Variants in IMMP2L observed in about 807,000 individuals in gnomAD.
The protein encoded by IMMP2L is inner mitochondrial membrane peptidase subunit 2.
IMMP2L carries 18 observed loss-of-function variants against 19.3 expected under a neutral mutation model. That is an observed-to-expected ratio of 0.93 (90% CI 0.64 to 1.38). The LOEUF is 1.38. Ranked by LOEUF, IMMP2L falls within the 40% of genes most tolerant of loss-of-function variation. IMMP2L has a pLI of 0.00. For missense variants in IMMP2L, 233 were observed against 218.2 expected (o/e 1.07, Z -0.43); for synonymous variants, 76 against 73.0 (o/e 1.04, Z -0.21).
intron 3 of IMMP2L, among the ~76,000 whole-genome samples, chr7:111,326,633 G>A (rs568897999): frequency 2.6e-5 from 4 of 151,772 alleles, no homozygotes; most frequent in South Asian, 2.1e-4. Context: ...AATGAAAACC[G>A]CAAGGATATA....
chr7:111,022,079 C>T (rs767551776), intron 3 of IMMP2L, among the ~76,000 whole-genome samples: 4 of 152,140 alleles, frequency 2.6e-5, no homozygotes, highest in Non-Finnish European at 5.9e-5. Flanking sequence ...TCAACATTTC[C>T]TAAGTAGAAT....
chr7:111,427,187 A>G (rs1836167796), intron 3 of IMMP2L, among the ~76,000 whole-genome samples: 1 of 144,958 alleles, frequency 6.9e-6, no homozygotes, highest in Non-Finnish European at 1.6e-5. Flanking sequence ...ATATCAGTGG[A>G]CCTTCACCTC....
intron 3 of IMMP2L, among the ~76,000 whole-genome samples, chr7:111,151,997 G>C (rs902849620): frequency 1.1e-4 from 17 of 152,104 alleles, no homozygotes; most frequent in African/African-American, 3.6e-4. Flanking sequence ...CGAAGTTTTA[G>C]AAGTGATAAT....
At chr7:110,983,338 C>T (rs1821501851) in intron 3 of IMMP2L, among the ~76,000 whole-genome samples, 1 of 151,560 alleles carries the variant, frequency 6.6e-6, no homozygotes, top group South Asian at 2.1e-4. Flanking sequence ...AAAAGTAATA[C>T]TTCATATAGA....
intron 3 of IMMP2L, among the ~76,000 whole-genome samples, chr7:111,266,766 T>C (rs1217086097): frequency 6.6e-6 from 1 of 152,154 alleles, no homozygotes; most frequent in Non-Finnish European, 1.5e-5. Context: ...TTGCCACATT[T>C]TTGTCATGCC....
chr7:111,463,774 G>T (rs554055722), intron 3 of IMMP2L, among the ~76,000 whole-genome samples: 1 of 152,088 alleles, frequency 6.6e-6, no homozygotes, highest in East Asian at 1.9e-4. Flanking sequence ...CTATAATGAA[G>T]TCCATTCATT....
chr7:111,559,655 T>C (rs1320792453), intron 1 of IMMP2L, among the ~76,000 whole-genome samples: 1 of 152,120 alleles, frequency 6.6e-6, no homozygotes, highest in Non-Finnish European at 1.5e-5. Context: ...CTACATGGCT[T>C]TCCACAATCA....
chr7:111,304,879 C>T (rs1388012902), intron 3 of IMMP2L, among the ~76,000 whole-genome samples: 1 of 151,868 alleles, frequency 6.6e-6, no homozygotes, highest in East Asian at 1.9e-4. Flanking sequence ...GAAACAACAA[C>T]CAACACATTC....
chr7:111,301,462 A>G (rs1822232648), intron 3 of IMMP2L, among the ~76,000 whole-genome samples: 1 of 151,948 alleles, frequency 6.6e-6, no homozygotes, highest in South Asian at 2.1e-4. Flanking sequence ...CAGAACAAAT[A>G]AGGCCCAATT....
intron 1 of IMMP2L, among the ~76,000 whole-genome samples, chr7:111,537,853 T>A (rs892758574): frequency 6.6e-6 from 1 of 151,936 alleles, no homozygotes; most frequent in Admixed American, 6.6e-5. Flanking sequence ...TCACAGCACA[T>A]CATGCTTCAA....
intron 3 of IMMP2L, among the ~76,000 whole-genome samples, chr7:111,004,179 T>C (rs930559563): frequency 2.0e-5 from 3 of 152,070 alleles, no homozygotes; most frequent in Non-Finnish European, 4.4e-5. Context: ...GAGAAAATAA[T>C]ATCCTAACTT....
chr7:111,341,848 A>C (rs1025200994), intron 3 of IMMP2L, among the ~76,000 whole-genome samples: 2 of 152,106 alleles, frequency 1.3e-5, no homozygotes, highest in Non-Finnish European at 2.9e-5. Flanking sequence ...GGAGATTCAC[A>C]CTAATTACAA....
intron 3 of IMMP2L, among the ~76,000 whole-genome samples, chr7:111,139,538 A>T (rs768520013): frequency 6.6e-6 from 1 of 152,070 alleles, no homozygotes; most frequent in African/African-American, 2.4e-5. Context: ...GAGATTTTTT[A>T]AAAATGCTAT....
intron 4 of IMMP2L, among the ~76,000 whole-genome samples, chr7:110,899,187 T>C (rs1000510808): frequency 6.6e-6 from 1 of 152,172 alleles, no homozygotes; most frequent in African/African-American, 2.4e-5. Context: ...CTTCTTTTTA[T>C]GTTTTAATTA....
intron 3 of IMMP2L, among the ~76,000 whole-genome samples, chr7:111,477,685 G>A (rs1279301757): frequency 6.6e-6 from 1 of 151,992 alleles, no homozygotes; most frequent in Non-Finnish European, 1.5e-5. Context: ...GATCACCTGA[G>A]GTCAGGAGTT....
chr7:111,469,795 A>G (rs1361555219), intron 3 of IMMP2L, among the ~76,000 whole-genome samples: 2 of 152,154 alleles, frequency 1.3e-5, no homozygotes, highest in African/African-American at 4.8e-5. Context: ...AGGCAATACC[A>G]TTCAGGACAT....
chr7:111,058,963 CTTTTT>C (rs962695733), intron 3 of IMMP2L, among the ~76,000 whole-genome samples: 1 of 151,916 alleles, frequency 6.6e-6, no homozygotes, highest in East Asian at 1.9e-4. Flanking sequence ...TCTCACATCT[CTTTTT>C]TTTAACTTTT....
intron 3 of IMMP2L, among the ~76,000 whole-genome samples, chr7:111,106,206 C>T (rs1394494177): frequency 6.6e-6 from 1 of 151,914 alleles, no homozygotes; most frequent in East Asian, 1.9e-4. Context: ...ACTTACTTCT[C>T]AATTGGGAAC....
rs1168531867 is a variant in IMMP2L, at chr7:111,029,352, T to C, written c.240-65787A>G. On this transcript the variant is annotated intron_variant, in intron 3 of 5. Transcript: ENST00000405709. ...ATCTTCACACTTTTCAAAGTGCTCT[T>C]GTGGGTGGTTGGGCCCTCTAGGGAA... 1.3e-5 allele frequency among the ~76,000 whole-genome samples: 2 copies of C among 152,178 alleles called. 1 individual carries two copies. Among genetic ancestry groups the C allele is most frequent in the African/African-American group, 4.8e-5 (2 of 41,442 alleles).
Sources: gnomAD v4.1 joint callset for allele counts (sites outside exome capture counted in the v4.1 genomes callset) on GRCh38, gnomAD v4.1.1 for gene constraint, MANE v1.5 for transcripts, NCBI Gene and HGNC (gene_info 2026-07-23, HGNC 2026-07-21) for gene names.